The following ADGRE2 variants were observed in gnomAD, a reference collection of about 807,000 sequenced individuals.
ADGRE2 encodes CD97 antigen.
ADGRE2 carries 83 observed loss-of-function variants against 100.8 expected under a neutral mutation model. The ratio of observed to expected loss-of-function variants is 0.82; its 90% CI spans 0.69 to 0.99. The LOEUF is 0.99. Ranked by LOEUF, ADGRE2 falls within the 50% of genes least tolerant of loss-of-function variation. The probability of loss-of-function intolerance (pLI) is 0.00; values close to 1 mark genes in which losing one functional copy is unlikely to be tolerated. For synonymous variants in ADGRE2, 355 were observed against 413.0 expected (o/e 0.86, Z 1.70); for missense variants, 814 against 1,035.7 (o/e 0.79, Z 2.94).
At chr19:14,736,834 A>ATTTATATAATATTTAATATTAT (rs2042765657) in intron 20 of ADGRE2, among the ~76,000 whole-genome samples, 1 of 145,684 alleles carries the variant, frequency 6.9e-6, no homozygotes, top group Non-Finnish European at 1.5e-5. Flanking sequence ...ATAGATATTT[A>ATTTATATAATATTTAATATTAT]ATATCTATAT....
At chr19:14,771,621 C>CTTATTTATTTATTTATTTATTTATTTAT (rs369899556) in intron 5 of ADGRE2, among the ~76,000 whole-genome samples, 1 of 143,504 alleles carries the variant, frequency 7.0e-6, no homozygotes, top group African/African-American at 2.6e-5. Context: ...GCATCCATTG[C>CTTATTTATTTATTTATTTATTTATTTAT]TTATTTATTT....
In ADGRE2 at chr19:14,751,469, G is replaced by C. The variant is rs771057297; in HGVS notation, c.1991C>G (p.Ala664Gly). The part of the protein sequence containing the change: ...VPAVTVAISA[A>G]SRPHLYGTPS... Reference sequence around the variant, plus strand: ...TGTTCCATAAAGGTGAGGCCTGGAGGCTGCAGAAATGGCCACTGTCACAGC... The same window carrying C: ...TGTTCCATAAAGGTGAGGCCTGGAGCCTGCAGAAATGGCCACTGTCACAGC... The change falls in exon 16 of 21, where the codon GCC becomes GGC. Residue 664 changes from alanine (A) to glycine (G), a missense_variant. This residue lies in a region of ADGRE2 where 569 missense variants were observed against 692.7 expected (regional missense o/e 0.82). Transcript: ENST00000315576. The C allele has an allele frequency of 2.5e-6, 4 of 1,613,966 alleles. No homozygotes were observed. The African/African-American group carries it at 5.3e-5, about 22-fold the overall frequency.
At chr19:14,727,212 T>G in the ADGRE2 span, among the ~76,000 whole-genome samples, 3 of 152,054 alleles carry the variant, frequency 2.0e-5, no homozygotes, top group Admixed American at 1.3e-4. Context: ...GTATTTTTAG[T>G]AGAGACAGGG....
chr19:14,751,910 C>CAT (rs2043299953), intron 15 of ADGRE2, among the ~76,000 whole-genome samples: 9 of 66,278 alleles, frequency 1.4e-4, no homozygotes, highest in African/African-American at 3.4e-4. Context: ...CACACACACA[C>CAT]ACATATATAT....
intron 20 of ADGRE2, among the ~76,000 whole-genome samples, chr19:14,742,412 T>C (rs570979576): frequency 1.2e-3 from 186 of 152,234 alleles, no homozygotes; most frequent in Non-Finnish European, 1.9e-3. Flanking sequence ...TTAAATGCTT[T>C]ATAGGGACGA....
rs941607330 is a variant in ADGRE2 at position 14,776,986 on chromosome 19, A to G, written c.-171-59T>C. ...AGAACCAGGGGCGCTGCACACACAC[A>G]CACACACACACACACACACACACAC... On this transcript the variant is annotated intron_variant, in intron 1 of 20. Transcript: ENST00000315576. 3.1e-5 allele frequency: 41 copies of G among 1,311,590 alleles called. 1 individual carries two copies. The highest frequency in any genetic ancestry group is 2.9e-4 in the Middle Eastern group (1 of 3,414). The allele number at this position is 1,311,590 out of a possible 1,614,324, so 81.2% of individuals were successfully genotyped here. A position where few individuals can be genotyped will look rare whatever the true frequency, so the allele number is the denominator to read the frequency against.
chr19:14,741,735 T>A (rs2147123853), intron 20 of ADGRE2: 1 of 239,384 alleles, frequency 4.2e-6, no homozygotes, highest in African/African-American at 2.3e-5. Flanking sequence ...TCCACCTGCC[T>A]CGGCCTCCCA....
intron 4 of ADGRE2, 61 bp from the exon 5 acceptor site, chr19:14,772,558 C>G: frequency 6.3e-7 from 1 of 1,583,938 alleles, no homozygotes; most frequent in South Asian, 1.1e-5. Context: ...AGGGCAGAGA[C>G]CCCCGTCCTG....
At chr19:14,748,691 A>G (rs2043168821) in intron 16 of ADGRE2, among the ~76,000 whole-genome samples, 2 of 152,204 alleles carry the variant, frequency 1.3e-5, no homozygotes. Context: ...TACCTGGGTC[A>G]TATGGTAGCT....
intron 17 of ADGRE2, 51 bp from the exon 18 acceptor site, chr19:14,746,374 T>TC: frequency 4.3e-6 from 4 of 925,478 alleles, no homozygotes; most frequent in Non-Finnish European, 6.7e-6. Context: ...ACCTGTTATC[T>TC]CTTTTTTTTT....
In ADGRE2 at chr19:14,746,262, T is replaced by C. The variant is rs772043754; in HGVS notation, c.2153A>G (p.Asn718Ser). Residue 718 changes from asparagine to serine, a missense_variant, in exon 18 of 21, where the codon AAT becomes AGT. By Grantham distance (46) the Asn-to-Ser change is conservative. Around this residue, in one of 5 missense-constraint regions of ADGRE2, gnomAD observed 569 missense variants for 692.7 expected, o/e 0.82. Transcript: ENST00000315576. ...GTTCCGGAGGGTGGACACTTCACTATTGAGGGAGGAGAGTCTGTTTTTCAA... is the reference window on the plus strand; with the variant it reads ...GTTCCGGAGGGTGGACACTTCACTACTGAGGGAGGAGAGTCTGTTTTTCAA... ...WILKNRLSSL[N>S]SEVSTLRNTR... The C allele has an allele frequency of 1.9e-6, 3 of 1,609,412 alleles. No individual in the cohort carries two copies. The highest frequency in any genetic ancestry group is 2.6e-6 in the Non-Finnish European group (3 of 1,175,916).
chr19:14,727,624 C>T (rs2042642264), downstream of ADGRE2, among the ~76,000 whole-genome samples: 1 of 152,128 alleles, frequency 6.6e-6, no homozygotes, highest in African/African-American at 2.4e-5. Flanking sequence ...CCACCAGGCC[C>T]CACCTCCAGC....
intron 14 of ADGRE2, among the ~76,000 whole-genome samples, chr19:14,754,219 C>T (rs2043401100): frequency 6.6e-6 from 1 of 152,052 alleles, no homozygotes; most frequent in Non-Finnish European, 1.5e-5. Flanking sequence ...CCTCAGCCTG[C>T]AGACGGCCTA....
chr19:14,763,139 AG>A (rs1429290914), intron 11 of ADGRE2, among the ~76,000 whole-genome samples: 3 of 152,060 alleles, frequency 2.0e-5, no homozygotes, highest in Admixed American at 1.3e-4. Flanking sequence ...CAGGAGATCG[AG>A]AGACCATCCT....
Position 14,755,803 on chromosome 19 carries a change from G to C in ADGRE2, c.1267C>G (p.Pro423Ala). The stretch of plus-strand genomic sequence containing the variant: ...TCATGCAGAAGCATCTGCTTCTCAG[G>C]TTCCAGGACCAGAGGGGCCTCAGCC... ...LLAEAPLVLE[P>A]EKQMLLHETH... Residue 423 changes from proline to alanine, a missense_variant, in exon 13 of 21, where the codon CCT becomes GCT. Pro to Ala is a conservative substitution (Grantham distance 27). Coordinates refer to ENST00000315576, the MANE Select transcript of ADGRE2 (RefSeq NM_013447.4). The C allele has an allele frequency of 6.2e-7, 1 of 1,614,208 alleles. No individual in the cohort carries two copies. The highest frequency in any genetic ancestry group is 8.5e-7 in the Non-Finnish European group (1 of 1,180,040).
chr19:14,737,184 CTT>C (rs112890797), intron 20 of ADGRE2, among the ~76,000 whole-genome samples: 56 of 141,770 alleles, frequency 4.0e-4, no homozygotes, highest in East Asian at 1.0e-3. Context: ...TTTAAGAAGT[CTT>C]TTTTTTTTTT....
Position 14,763,308 on chromosome 19 carries a change from T to A in ADGRE2, c.1084+1125A>T, listed in dbSNP as rs184246754. ...CAGTGAGCCGAGATCACGTCACTGC[T>A]CTCCAGCCTGGGCGACAGAGTGAGA... On this transcript the variant is annotated intron_variant, in intron 11 of 20. Coordinates refer to ENST00000315576, the MANE Select transcript of ADGRE2 (RefSeq NM_013447.4). Among the ~76,000 whole-genome samples the A allele has an allele frequency of 6.2e-3, 936 of 151,526 alleles. 8 individuals are homozygous for A. Among genetic ancestry groups the A allele is most frequent in the African/African-American group, 0.021 (864 of 41,280 alleles).
chr19:14,738,162 T>G (rs2147088622), intron 20 of ADGRE2, among the ~76,000 whole-genome samples: 1 of 152,286 alleles, frequency 6.6e-6, no homozygotes, highest in Non-Finnish European at 1.5e-5. Context: ...AATGATCACA[T>G]GTACCTAGAA....
intron 5 of ADGRE2, among the ~76,000 whole-genome samples, chr19:14,769,941 G>A (rs2044135829): frequency 1.3e-5 from 2 of 152,038 alleles, no homozygotes; most frequent in South Asian, 2.1e-4. Flanking sequence ...CTTGTGATCC[G>A]CCCACCTCGG....
Sources: gnomAD v4.1 joint callset for allele counts (sites outside exome capture counted in the v4.1 genomes callset) on GRCh38, gnomAD v4.1.1 for gene constraint, gnomAD v4.1.1 regional missense constraint, MANE v1.5 for transcripts, NCBI Gene and HGNC (gene_info 2026-07-23, HGNC 2026-07-21) for gene names.